The following CD109 variants were observed in gnomAD, a reference collection of about 807,000 sequenced individuals.
CD109 encodes CD109 antigen.
CD109 carries 149 observed loss-of-function variants against 165.8 expected under a neutral mutation model. The ratio of observed to expected loss-of-function variants is 0.90; its 90% CI spans 0.79 to 1.03. CD109 has a LOEUF of 1.03. Among genes scored for constraint, CD109 ranks in the 50% least tolerant of loss-of-function variants. The pLI, the probability that CD109 is intolerant of heterozygous loss-of-function variation, is 0.00. For missense variants in CD109, 1,712 were observed against 1,677.8 expected (o/e 1.02, Z -0.36); for synonymous variants, 585 against 592.1 (o/e 0.99, Z 0.18).
rs184625458 is a variant in CD109 at position 73,771,338 on chromosome 6, C to A, written c.1675-91C>A. 510 of 974,406 alleles carry A rather than the reference C, an allele frequency of 5.2e-4. 3 individuals carry two copies. The East Asian group carries it at 7.6e-3, about 14-fold the overall frequency. The allele number at this position is 974,406 out of a possible 1,614,324, so 60.4% of individuals were successfully genotyped here. ...CCCTGAGCCAAGGCAAATGTAGAAT[C>A]TTTGCTATATTTTGGGCCAGTGGTC... On this transcript the variant is annotated intron_variant, in intron 14 of 32. Coordinates refer to ENST00000287097, the MANE Select transcript of CD109 (RefSeq NM_133493.5).
upstream of CD109, among the ~76,000 whole-genome samples, chr6:73,692,292 A>C (rs762539908): frequency 1.3e-5 from 2 of 152,194 alleles, no homozygotes; most frequent in Non-Finnish European, 2.9e-5. Context: ...TTAGGTTTTC[A>C]TGCAATAAGC....
chr6:73,688,989 C>T, the CD109 span, among the ~76,000 whole-genome samples: 7 of 151,862 alleles, frequency 4.6e-5, no homozygotes, highest in East Asian at 1.9e-4. Context: ...AGGCTGGTCT[C>T]GAACTCCTGA....
At chr6:73,790,985 A>G (rs1294921367) in intron 22 of CD109, among the ~76,000 whole-genome samples, 1 of 151,812 alleles carries the variant, frequency 6.6e-6, no homozygotes, top group Admixed American at 6.6e-5. Context: ...GACGTCTAAT[A>G]GTTTGTTAGG....
upstream of CD109, among the ~76,000 whole-genome samples, chr6:73,693,332 G>T (rs1426201085): frequency 6.6e-6 from 1 of 152,040 alleles, no homozygotes; most frequent in Non-Finnish European, 1.5e-5. Context: ...GAGGTGCCAG[G>T]CTCTTTTTAA....
intron 5 of CD109, among the ~76,000 whole-genome samples, chr6:73,754,983 G>C (rs1773334132): frequency 6.6e-6 from 1 of 152,152 alleles, no homozygotes; most frequent in East Asian, 1.9e-4. Context: ...CTCAATTAAT[G>C]TTTGCTATAT....
chr6:73,683,703 G>A, the CD109 span, among the ~76,000 whole-genome samples: 1 of 152,186 alleles, frequency 6.6e-6, no homozygotes, highest in African/African-American at 2.4e-5. Flanking sequence ...AAAGAAAGAG[G>A]TTTAATGGAC....
At position 73,803,272 on chromosome 6, in the gene CD109, T is replaced by C; in HGVS notation, c.2931T>C (p.Phe977=). 1 of 1,611,056 alleles carries C rather than the reference T, an allele frequency of 6.2e-7. No individual in the cohort carries two copies. The highest frequency in any genetic ancestry group is 2.2e-5 in the East Asian group (1 of 44,784). Residue 977 remains phenylalanine, a synonymous_variant, in exon 24 of 33, where the codon TTT becomes TTC. Transcript: ENST00000287097. ...GGGAAGATGGCTCTTTCAGTGCTTT[T>C]GGGAATTATGACCCTTCTGGGAGCA... ...YQREDGSFSA[F]GNYDPSGSTW...
chr6:73,770,159 G>A, intron 14 of CD109, among the ~76,000 whole-genome samples: 1 of 152,186 alleles, frequency 6.6e-6, no homozygotes, highest in East Asian at 1.9e-4. Flanking sequence ...CTTTCTTGAT[G>A]ATTATACTTC....
intron 20 of CD109, 94 bp downstream of exon 20, chr6:73,785,571 G>C (rs1284650897): frequency 3.2e-6 from 2 of 629,478 alleles, no homozygotes; most frequent in African/African-American, 3.8e-5. Context: ...GGGCATTTGG[G>C]ATTCTAAGCA....
At chr6:73,779,908 C>A (rs893974476) in intron 15 of CD109, among the ~76,000 whole-genome samples, 5 of 151,684 alleles carry the variant, frequency 3.3e-5, no homozygotes, top group African/African-American at 1.2e-4. Context: ...TTTGAAAAAA[C>A]CGTATCTCAT....
chr6:73,691,964 A>T (rs1770698728), upstream of CD109, among the ~76,000 whole-genome samples: 1 of 152,200 alleles, frequency 6.6e-6, no homozygotes. Flanking sequence ...TCTCAACTTT[A>T]ACATTGCCAA....
chr6:73,770,959 A>G (rs566737304), intron 14 of CD109, among the ~76,000 whole-genome samples: 3 of 152,156 alleles, frequency 2.0e-5, no homozygotes, highest in Non-Finnish European at 4.4e-5. Context: ...ACTCCCTTGG[A>G]AAGGCCACCC....
chr6:73,681,161 A>G, the CD109 span, among the ~76,000 whole-genome samples: 3,297 of 152,198 alleles, frequency 0.022, 68 homozygotes, highest in Non-Finnish European at 0.025. Flanking sequence ...GCTTTGTTCT[A>G]TTCTCTCTCT....
At chr6:73,688,558 T>C in the CD109 span, among the ~76,000 whole-genome samples, 3 of 152,096 alleles carry the variant, frequency 2.0e-5, no homozygotes, top group African/African-American at 7.2e-5. Context: ...GAGTCTTTTG[T>C]ACTAATGAGG....
chr6:73,713,887 G>A (rs1334635068), intron 2 of CD109, among the ~76,000 whole-genome samples: 3 of 152,064 alleles, frequency 2.0e-5, no homozygotes, highest in Non-Finnish European at 1.5e-5. Context: ...TCTCCTTGCT[G>A]ATGTCATTGG....
intron 2 of CD109, 104 bp downstream of exon 2, chr6:73,697,676 T>G: frequency 1.2e-6 from 1 of 862,554 alleles, no homozygotes; most frequent in Non-Finnish European, 1.8e-6. Context: ...AAATTTGCAG[T>G]ATCTTACCTA....
chr6:73,815,069 C>T lies in CD109; in HGVS notation c.3857C>T (p.Ala1286Val), dbSNP rs1415209063. The T allele has an allele frequency of 1.3e-6, 2 of 1,589,748 alleles. No homozygotes were observed. Among genetic ancestry groups the T allele is most frequent in the Non-Finnish European group, 1.7e-6 (2 of 1,171,406 alleles). ...CAAGAAGCCTTTGATTTAGATGTTG[C>T]TGTAAAAGAAAATAAAGATGATCTC... Reference protein sequence around the residue: ...QNQEAFDLDVAVKENKDDLNH... With the variant: ...QNQEAFDLDVVVKENKDDLNH... Residue 1286 changes from alanine to valine, a missense_variant, in exon 30 of 33, where the codon GCT (alanine) becomes GTT (valine). Ala to Val is a moderately conservative substitution (Grantham distance 64, BLOSUM62 0). Transcript: ENST00000287097.
rs1475392075 is a variant in CD109, at chr6:73,814,965, AG to A, written c.3769-15del. 1 of 1,468,816 alleles carries A rather than the reference AG, an allele frequency of 6.8e-7. No homozygotes were observed. Among genetic ancestry groups the A allele is most frequent in the South Asian group, 1.5e-5 (1 of 65,022 alleles). 91.0% of individuals were successfully genotyped at this position (1,468,816 alleles called of 1,614,324 possible). A position where few individuals can be genotyped will look rare whatever the true frequency, so the allele number is the denominator to read the frequency against. On this transcript the variant is annotated splice_polypyrimidine_tract_variant and intron_variant, in intron 29 of 32. Coordinates refer to ENST00000287097, the MANE Select transcript of CD109 (RefSeq NM_133493.5). ...TTATGTCCAACTTGTTATTTATGCT[AG>A]TTTATTTTTTACAGCTCAATGTTGT...
intron 26 of CD109, 74 bp downstream of exon 26, chr6:73,808,322 A>T (rs112168307): frequency 1.4e-6 from 2 of 1,476,734 alleles, no homozygotes; most frequent in Admixed American, 4.3e-5. Flanking sequence ...ATTTTTAGCC[A>T]GGTTTGAAAT....
Sources: allele counts gnomAD v4.1 joint callset (sites outside exome capture counted in the v4.1 genomes callset), GRCh38; gene constraint gnomAD v4.1.1; transcripts MANE v1.5; gene names NCBI Gene and HGNC (gene_info 2026-07-23, HGNC 2026-07-21).